The following CDC14B variants were observed in gnomAD, a reference collection of about 807,000 sequenced individuals.
The protein encoded by CDC14B is dual specificity protein phosphatase CDC14B.
In CDC14B, 22 loss-of-function variants were observed where a neutral mutation model predicts 64.2. The observed-to-expected ratio is 0.34, with a 90% CI of 0.24 to 0.49. The LOEUF (loss-of-function observed/expected upper bound fraction) is 0.49. Ranked by LOEUF, CDC14B falls within the 20% of genes least tolerant of loss-of-function variation. CDC14B has a pLI of 0.99. For synonymous variants in CDC14B, 191 were observed against 215.8 expected, an observed-to-expected ratio of 0.89 and a Z score of 1.01; for missense variants, 498 against 629.9, an observed-to-expected ratio of 0.79 and a Z score of 2.24.
intron 12 of CDC14B, among the ~76,000 whole-genome samples, chr9:96,518,472 G>A (rs529097986): frequency 3.9e-5 from 6 of 152,018 alleles, no homozygotes; most frequent in Middle Eastern, 3.4e-3. Flanking sequence ...CCAAGATTAC[G>A]CCACTGTACC....
chr9:96,495,674 A>G (rs535445833), downstream of CDC14B, among the ~76,000 whole-genome samples: 106 of 152,330 alleles, frequency 7.0e-4, no homozygotes, highest in African/African-American at 2.5e-3. Flanking sequence ...GGGAAGGTGG[A>G]TAGAAAGACA....
chr9:96,566,957 G>C, intron 1 of CDC14B: 1 of 1,482,220 alleles, frequency 6.7e-7, no homozygotes, highest in Middle Eastern at 2.3e-4. Context: ...ACACCCCTCG[G>C]CGGCCCAACG....
At chr9:96,596,323 CGA>C (rs1846070756) in intron 1 of CDC14B, among the ~76,000 whole-genome samples, 1 of 144,834 alleles carries the variant, frequency 6.9e-6, no homozygotes, top group African/African-American at 2.6e-5. Flanking sequence ...GATTGTGCTA[CGA>C]CACACCAGCC....
At chr9:96,508,014 A>T (rs2131306501) in intron 13 of CDC14B, among the ~76,000 whole-genome samples, 1 of 146,450 alleles carries the variant, frequency 6.8e-6, no homozygotes, top group South Asian at 2.2e-4. Context: ...ATACTTCAGA[A>T]TTTTTTTTTT....
chr9:96,514,959 G>A (rs1445342452), intron 12 of CDC14B: 1 of 983,510 alleles, frequency 1.0e-6, no homozygotes, highest in Non-Finnish European at 1.2e-6. Context: ...TCTGGGCAAG[G>A]AGAAAAGCAG....
downstream of CDC14B, among the ~76,000 whole-genome samples, chr9:96,497,286 A>AGGCGGGGAGGCAGG (rs61229312): frequency 6.6e-6 from 1 of 151,472 alleles, no homozygotes; most frequent in Admixed American, 6.6e-5. Context: ...GCGGGGTTAG[A>AGGCGGGGAGGCAGG]GGCGGGGAGG....
At chr9:96,593,308 G>A (rs1252802974) in intron 1 of CDC14B, among the ~76,000 whole-genome samples, 20 of 152,164 alleles carry the variant, frequency 1.3e-4, no homozygotes, top group African/African-American at 4.8e-4. Flanking sequence ...CCAAGATGGT[G>A]AAACCCCGTC....
At position 96,517,844 on chromosome 9, in the gene CDC14B, A is replaced by AT. The variant is rs1362458910; in HGVS notation, c.1343+4661dup. ...CCACCATGCCCAGTTTTTTTTTTTTATTTTTTTTGTAGAGACAGAATCTCA... is the reference window on the plus strand; with the variant it reads ...CCACCATGCCCAGTTTTTTTTTTTTATTTTTTTTTGTAGAGACAGAATCTCA... On this transcript the variant is annotated intron_variant, in intron 12 of 13. Coordinates refer to ENST00000375241, the MANE Select transcript of CDC14B (RefSeq NM_033331.4). Among the ~76,000 whole-genome samples, 6 of 143,544 alleles carry AT rather than the reference A, an allele frequency of 4.2e-5. No homozygotes were observed. The South Asian group carries it at 8.8e-4, about 21-fold the overall frequency. 94.2% of individuals were successfully genotyped at this position (143,544 alleles called of 152,430 possible). A position where few individuals can be genotyped will look rare whatever the true frequency, so the allele number is the denominator to read the frequency against.
intron 5 of CDC14B, among the ~76,000 whole-genome samples, chr9:96,543,504 A>C (rs1840381563): frequency 6.6e-6 from 1 of 152,218 alleles, no homozygotes; most frequent in African/African-American, 2.4e-5. Flanking sequence ...TACCTTCCAC[A>C]GGATCACTCT....
chr9:96,616,560 C>A (rs1588087715), intron 1 of CDC14B, among the ~76,000 whole-genome samples: 2 of 151,738 alleles, frequency 1.3e-5, no homozygotes, highest in Non-Finnish European at 2.9e-5. Flanking sequence ...ACTGTCTCTA[C>A]TAAAAATACA....
intron 1 of CDC14B, among the ~76,000 whole-genome samples, chr9:96,584,231 C>T (rs1419340044): frequency 1.3e-5 from 2 of 152,152 alleles, no homozygotes; most frequent in Non-Finnish European, 2.9e-5. Flanking sequence ...TCATCTGAGG[C>T]TAGCTTTTAT....
chr9:96,574,143 T>C (rs796427211), intron 1 of CDC14B, among the ~76,000 whole-genome samples: 5 of 147,054 alleles, frequency 3.4e-5, no homozygotes, highest in African/African-American at 1.3e-4. Context: ...TGAGACTCCA[T>C]CTCAAAAAAA....
chr9:96,534,275 A>G, intron 8 of CDC14B, 118 bp from the exon 9 acceptor site: 1 of 793,730 alleles, frequency 1.3e-6, no homozygotes, highest in Non-Finnish European at 2.0e-6. Context: ...CAATTTGATT[A>G]TAACTGTAAA....
chr9:96,568,778 G>A (rs1356154943), intron 1 of CDC14B, among the ~76,000 whole-genome samples: 3 of 152,098 alleles, frequency 2.0e-5, no homozygotes, highest in Non-Finnish European at 4.4e-5. Flanking sequence ...TTAGCCAGTC[G>A]TGGTGGTGCA....
intron 1 of CDC14B, among the ~76,000 whole-genome samples, chr9:96,591,108 T>C (rs1252988357): frequency 1.3e-5 from 2 of 152,224 alleles, no homozygotes; most frequent in African/African-American, 2.4e-5. Context: ...CAAAGTTTGA[T>C]GTAATCCCAC....
chr9:96,506,907 G>A (rs1286599847), intron 13 of CDC14B, among the ~76,000 whole-genome samples: 1 of 152,224 alleles, frequency 6.6e-6, no homozygotes, highest in Non-Finnish European at 1.5e-5. Context: ...GTGCCAGCCA[G>A]GCTCCCGGAC....
intron 1 of CDC14B, among the ~76,000 whole-genome samples, chr9:96,603,780 C>T (rs1438295237): frequency 6.6e-6 from 1 of 152,072 alleles, no homozygotes; most frequent in Non-Finnish European, 1.5e-5. Context: ...AGACACTGCG[C>T]AAGATTTTAA....
In CDC14B at chr9:96,538,981, C is replaced by T. The variant is rs528930650; in HGVS notation, c.627+97G>A. The T allele has an allele frequency of 6.9e-5, 54 of 777,164 alleles. 1 individual carries two copies. Among genetic ancestry groups the T allele is most frequent in the South Asian group, 5.1e-4 (34 of 67,290 alleles). 48.1% of individuals were successfully genotyped at this position (777,164 alleles called of 1,614,324 possible). ...ACATATATCAAAACATTACTTTGTA[C>T]ATCTTAAGTATATATAAGTTTTATT... On this transcript the variant is annotated intron_variant, in intron 7 of 13. Coordinates refer to ENST00000375241, the MANE Select transcript of CDC14B (RefSeq NM_033331.4).
At chr9:96,503,823 A>T (rs747148403) in intron 13 of CDC14B, 34 bp from the exon 14 acceptor site, 5 of 1,569,020 alleles carry the variant, frequency 3.2e-6, no homozygotes, top group Non-Finnish European at 4.4e-6. Context: ...TTTACCAGAA[A>T]GTTTACACAG....
Sources: gnomAD v4.1 joint callset for allele counts (sites outside exome capture counted in the v4.1 genomes callset) on GRCh38, gnomAD v4.1.1 for gene constraint, MANE v1.5 for transcripts, NCBI Gene and HGNC (gene_info 2026-07-23, HGNC 2026-07-21) for gene names.